The following PPM1L variants were observed in gnomAD, a reference collection of about 807,000 sequenced individuals.
PPM1L encodes protein phosphatase, Mg2+/Mn2+ dependent 1L.
In PPM1L, 13 loss-of-function variants were observed where a neutral mutation model predicts 31.4. That is an observed-to-expected ratio of 0.41 (90% confidence interval 0.27 to 0.66). PPM1L has a LOEUF of 0.66. PPM1L is among the 30% of genes least tolerant of loss of function. The pLI is 0.29. For synonymous variants in PPM1L, 184 were observed against 175.4 expected, an observed-to-expected ratio of 1.05 and a Z score of -0.39; for missense variants, 326 against 453.7, an observed-to-expected ratio of 0.72 and a Z score of 2.56.
intron 2 of PPM1L, among the ~76,000 whole-genome samples, chr3:160,969,261 T>G (rs1420545720): frequency 1.3e-5 from 2 of 152,178 alleles, no homozygotes; most frequent in Non-Finnish European, 2.9e-5. Flanking sequence ...AAAAATAGCT[T>G]TTTAAAAGCG....
At chr3:160,915,629 T>TG (rs957078866) in intron 1 of PPM1L, among the ~76,000 whole-genome samples, 1 of 152,170 alleles carries the variant, frequency 6.6e-6, no homozygotes, top group Non-Finnish European at 1.5e-5. Context: ...AGAACAAAGC[T>TG]GGGGGCATCA....
chr3:160,937,590 A>G (rs1298560743), intron 1 of PPM1L, among the ~76,000 whole-genome samples: 2 of 152,194 alleles, frequency 1.3e-5, no homozygotes, highest in Non-Finnish European at 2.9e-5. Flanking sequence ...ACTGCACTCC[A>G]GCCTGGGTGA....
chr3:160,964,785 A>G (rs1340131978), intron 2 of PPM1L, among the ~76,000 whole-genome samples: 3 of 152,038 alleles, frequency 2.0e-5, no homozygotes, highest in African/African-American at 7.2e-5. Context: ...AGGGTAGGCT[A>G]TGTGTATGCA....
intron 1 of PPM1L, among the ~76,000 whole-genome samples, chr3:160,920,712 A>C (rs1714376513): frequency 6.6e-6 from 1 of 151,030 alleles, no homozygotes; most frequent in African/African-American, 2.4e-5. Flanking sequence ...CCCTTTTAGC[A>C]GTAGGAGGGT....
At chr3:160,764,210 C>T (rs1162809965) in intron 1 of PPM1L, among the ~76,000 whole-genome samples, 1 of 152,146 alleles carries the variant, frequency 6.6e-6, no homozygotes, top group East Asian at 1.9e-4. Flanking sequence ...TAGCTTACTA[C>T]AGCCACAAAC....
chr3:160,890,362 G>A (rs755126561), intron 1 of PPM1L, among the ~76,000 whole-genome samples: 5 of 152,082 alleles, frequency 3.3e-5, no homozygotes, highest in Admixed American at 6.5e-5. Flanking sequence ...CAAGCAGCGA[G>A]CCAAATCATG....
intron 1 of PPM1L, among the ~76,000 whole-genome samples, chr3:160,759,513 T>G (rs187179740): frequency 7.3e-4 from 111 of 152,256 alleles, no homozygotes; most frequent in Non-Finnish European, 1.3e-3. Context: ...AGTTTGTTGA[T>G]CTCTATATGA....
intron 2 of PPM1L, chr3:161,022,391 A>C (rs1039292786): frequency 7.9e-6 from 3 of 377,436 alleles, no homozygotes; most frequent in Non-Finnish European, 1.4e-5. Flanking sequence ...AGAAGAAAAA[A>C]GTTAACAAAT....
At chr3:160,835,031 C>T (rs1176473808) in intron 1 of PPM1L, among the ~76,000 whole-genome samples, 2 of 142,814 alleles carry the variant, frequency 1.4e-5, no homozygotes, top group Non-Finnish European at 3.0e-5. Context: ...ACTACTATTA[C>T]TACTACTACT....
At chr3:160,925,784 G>A (rs1714566812) in intron 1 of PPM1L, among the ~76,000 whole-genome samples, 1 of 152,138 alleles carries the variant, frequency 6.6e-6, no homozygotes, top group Admixed American at 6.6e-5. Flanking sequence ...AAGAGTAAGT[G>A]GCTAGTCCAG....
chr3:160,908,439 C>G (rs551608814), intron 1 of PPM1L, among the ~76,000 whole-genome samples: 2 of 152,074 alleles, frequency 1.3e-5, no homozygotes, highest in African/African-American at 4.8e-5. Context: ...TTTCCTGGAG[C>G]CTTGTTTTAT....
chr3:160,782,719 T>C lies in PPM1L; in HGVS notation c.399+26012T>C, dbSNP rs896527928. The stretch of plus-strand genomic sequence containing the variant: ...TTTTTATTATTCCAGAAGTGATATA[T>C]GCTAGTTGAAAAATTTTAAAAAATA... On this transcript the variant is annotated intron_variant, in intron 1 of 3. Transcript: ENST00000498165. 2.6e-5 allele frequency among the ~76,000 whole-genome samples: 4 copies of C among 152,340 alleles called. No individual in the cohort carries two copies. In the East Asian group the frequency reaches 5.8e-4, roughly 22 times the overall value.
chr3:160,824,663 C>T, intron 1 of PPM1L, among the ~76,000 whole-genome samples: 1 of 152,232 alleles, frequency 6.6e-6, no homozygotes, highest in African/African-American at 2.4e-5. Flanking sequence ...AGGATCATGG[C>T]CACAAATCAG....
chr3:160,998,170 A>G (rs1717382229), intron 2 of PPM1L, among the ~76,000 whole-genome samples: 1 of 152,274 alleles, frequency 6.6e-6, no homozygotes, highest in Admixed American at 6.5e-5. Flanking sequence ...CCACATTCCA[A>G]TTTTCACATT....
intron 2 of PPM1L, among the ~76,000 whole-genome samples, chr3:160,980,639 G>T (rs190847312): frequency 2.4e-3 from 359 of 151,604 alleles, no homozygotes; most frequent in African/African-American, 8.4e-3. Flanking sequence ...TAGCACTCCA[G>T]CCTGGGTGAC....
chr3:160,822,152 A>G (rs1173559718), intron 1 of PPM1L, among the ~76,000 whole-genome samples: 3 of 152,050 alleles, frequency 2.0e-5, no homozygotes, highest in African/African-American at 7.2e-5. Flanking sequence ...ATTAAGGATA[A>G]ATTACCCAAC....
At chr3:160,891,039 C>G (rs1053918625) in intron 1 of PPM1L, among the ~76,000 whole-genome samples, 2 of 152,140 alleles carry the variant, frequency 1.3e-5, no homozygotes, top group African/African-American at 4.8e-5. Context: ...AAAACGTAGG[C>G]AGTACCATTG....
intron 1 of PPM1L, among the ~76,000 whole-genome samples, chr3:160,932,913 A>G (rs749562020): frequency 6.6e-5 from 10 of 152,180 alleles, no homozygotes; most frequent in Non-Finnish European, 1.5e-4. Context: ...AATGATAAAC[A>G]CTGTGAAAAT....
At chr3:161,030,811 A>G (rs188086733) in intron 2 of PPM1L, among the ~76,000 whole-genome samples, 200 of 152,288 alleles carry the variant, frequency 1.3e-3, no homozygotes, top group African/African-American at 4.6e-3. Flanking sequence ...ACTACATTCT[A>G]CTCACAACAC....
Sources: allele counts gnomAD v4.1 joint callset (sites outside exome capture counted in the v4.1 genomes callset), GRCh38; gene constraint gnomAD v4.1.1; transcripts MANE v1.5; gene names NCBI Gene and HGNC (gene_info 2026-07-23, HGNC 2026-07-21).